The following TCP11L1 variants were observed in gnomAD, a reference collection of about 807,000 sequenced individuals.
The protein encoded by TCP11L1 is t-complex 11 like 1, also known as T-complex protein 11-like protein 1.
Under a neutral mutation model 48.9 loss-of-function variants are expected in TCP11L1, and 28 were observed. The observed-to-expected ratio is 0.57, with a 90% CI of 0.42 to 0.78. The LOEUF (loss-of-function observed/expected upper bound fraction) is 0.78, where lower values mean the gene tolerates loss of function less well. Among genes scored for constraint, TCP11L1 ranks in the 30% least tolerant of loss-of-function variants. The probability of loss-of-function intolerance (pLI) is 0.00; values close to 1 mark genes in which losing one functional copy is unlikely to be tolerated. For missense variants in TCP11L1, 505 were observed against 613.4 expected, an observed-to-expected ratio of 0.82 and a Z score of 1.87; for synonymous variants, 204 against 231.9, an observed-to-expected ratio of 0.88 and a Z score of 1.09.
chr11:33,070,822 TG>T (rs1296306729), intron 9 of TCP11L1, among the ~76,000 whole-genome samples: 1 of 150,758 alleles, frequency 6.6e-6, no homozygotes, highest in African/African-American at 2.4e-5. Context: ...GCCAACATGG[TG>T]AAACCCCGTC....
At chr11:33,045,933 A>G (rs925762925) in intron 2 of TCP11L1, among the ~76,000 whole-genome samples, 1 of 152,240 alleles carries the variant, frequency 6.6e-6, no homozygotes, top group East Asian at 1.9e-4. Flanking sequence ...TTTGCAGCAT[A>G]TGGAACATGT....
At chr11:33,067,555 C>A (rs1032408428) in intron 8 of TCP11L1, among the ~76,000 whole-genome samples, 2 of 152,212 alleles carry the variant, frequency 1.3e-5, no homozygotes, top group African/African-American at 4.8e-5. Context: ...TGGGCTGTCA[C>A]CTAGGTCCCC....
At position 33,054,731 on chromosome 11, in the gene TCP11L1, G is replaced by A; in HGVS notation, c.296+6G>A. 1 of 1,610,458 alleles carries A rather than the reference G, an allele frequency of 6.2e-7. No homozygotes were observed. Among genetic ancestry groups the A allele is most frequent in the Non-Finnish European group, 8.5e-7 (1 of 1,178,618 alleles). On this transcript the variant is annotated splice_donor_region_variant and intron_variant, in intron 3 of 9. Coordinates refer to ENST00000334274, the MANE Select transcript of TCP11L1 (RefSeq NM_018393.4). ...GTTGAATTACCAGAAAACAGGTAAG[G>A]TGGTTGCTAAATTATCTTGCTTAGT...
At chr11:33,065,721 C>A in intron 7 of TCP11L1, 109 bp from the exon 8 acceptor site, 1 of 1,267,604 alleles carries the variant, frequency 7.9e-7, no homozygotes, top group Non-Finnish European at 1.1e-6. Context: ...CACACTAGCG[C>A]AAACCCTGAG....
Position 33,068,729 on chromosome 11 carries a change from G to A in TCP11L1, c.1197G>A (p.Lys399=), listed in dbSNP as rs760498933. The change falls in exon 9 of 10, where the codon AAG becomes AAA. Residue 399 remains lysine, a synonymous_variant. Coordinates refer to ENST00000334274, the MANE Select transcript of TCP11L1 (RefSeq NM_018393.4). Reference sequence around the variant, plus strand: ...ACGTCCTCACTACCATCGGGGAGAAGGTGTGCCTGGAGGTGAGCAGCTGCC... The same window carrying A: ...ACGTCCTCACTACCATCGGGGAGAAAGTGTGCCTGGAGGTGAGCAGCTGCC... ...LKDVLTTIGE[K]VCLEVSSCLS... is the part of the protein sequence containing the mutation. 3.1e-6 allele frequency: 5 copies of A among 1,614,164 alleles called. No individual in the cohort carries two copies. Among genetic ancestry groups the A allele is most frequent in the Non-Finnish European group, 4.2e-6 (5 of 1,180,026 alleles).
In TCP11L1 at chr11:33,072,657, A is replaced by G. The variant is rs1409773238; in HGVS notation, c.1511A>G (p.Lys504Arg). ...FCPYYDAILS[K>R]ILVRS The stretch of plus-strand genomic sequence containing the variant: ...CCCTACTACGATGCAATCCTGAGTA[A>G]GATCCTCGTCCGATCCTAACGTGTA... Residue 504 changes from lysine (K) to arginine (R), a missense_variant, in exon 10 of 10, where the codon AAG (lysine) becomes AGG (arginine). Transcript: ENST00000334274. The G allele has an allele frequency of 6.2e-7, 1 of 1,614,176 alleles. No homozygotes were observed. The highest frequency in any genetic ancestry group is 2.2e-5 in the East Asian group (1 of 44,880).
At chr11:33,060,901 G>C (rs1242901438) in intron 6 of TCP11L1, among the ~76,000 whole-genome samples, 1 of 152,124 alleles carries the variant, frequency 6.6e-6, no homozygotes, top group African/African-American at 2.4e-5. Flanking sequence ...GGGAAGGAAG[G>C]TTTGTTAAAT....
At chr11:33,061,019 G>C (rs922345482) in intron 6 of TCP11L1, among the ~76,000 whole-genome samples, 23 of 152,158 alleles carry the variant, frequency 1.5e-4, no homozygotes, top group Admixed American at 3.9e-4. Flanking sequence ...ACAGTGGTGT[G>C]ATCACCACTC....
Position 33,070,434 on chromosome 11 carries a change from CCAA to C in TCP11L1, c.1327+1578_1327+1580del, listed in dbSNP as rs1854748203. Among the ~76,000 whole-genome samples the C allele has an allele frequency of 2.6e-5, 4 of 152,126 alleles. No homozygotes were observed. In the South Asian group the frequency reaches 8.3e-4, roughly 32 times the overall value. ...AGCACAGTGGCTCATGCCTATAATC[CCAA>C]CATTTTGGGAGGCCGAGCCGGGCAG... On this transcript the variant is annotated intron_variant, in intron 9 of 9. Transcript: ENST00000334274.
chr11:33,063,911 A>G (rs1400820008), intron 7 of TCP11L1, among the ~76,000 whole-genome samples: 1 of 152,184 alleles, frequency 6.6e-6, no homozygotes, highest in Non-Finnish European at 1.5e-5. Flanking sequence ...GAACTGTGGC[A>G]TGTTCTCTTC....
intron 2 of TCP11L1, among the ~76,000 whole-genome samples, chr11:33,050,515 G>A (rs1396359728): frequency 9.2e-5 from 14 of 152,092 alleles, no homozygotes; most frequent in Non-Finnish European, 2.1e-4. Flanking sequence ...TTATACATAT[G>A]TATATATACA....
At chr11:33,057,723 G>A (rs1854349968) in intron 4 of TCP11L1, among the ~76,000 whole-genome samples, 196 bp from the exon 5 acceptor site, 1 of 152,044 alleles carries the variant, frequency 6.6e-6, no homozygotes, top group African/African-American at 2.4e-5. Context: ...TGCTACCTAG[G>A]GCTTAAATGG....
chr11:33,048,399 C>G (rs905906505), intron 2 of TCP11L1, among the ~76,000 whole-genome samples: 8 of 152,152 alleles, frequency 5.3e-5, no homozygotes, highest in African/African-American at 1.9e-4. Flanking sequence ...CAAATTGCAT[C>G]TTTATGCAAT....
chr11:33,054,468 A>C lies in TCP11L1; in HGVS notation c.164-125A>C, dbSNP rs1854252829. 3 of 1,180,736 alleles carry C rather than the reference A, an allele frequency of 2.5e-6. No homozygotes were observed. In the Admixed American group the frequency reaches 7.6e-5, roughly 30 times the overall value. The allele number at this position is 1,180,736 out of a possible 1,614,324, so 73.1% of individuals were successfully genotyped here. ...CATTCTGTTGCTGTTTGAAAATGCC[A>C]GAACAAACATTTTAATAGACGCAAT... On this transcript the variant is annotated intron_variant, in intron 2 of 9. Coordinates refer to ENST00000334274, the MANE Select transcript of TCP11L1 (RefSeq NM_018393.4).
rs1164431860 is a variant in TCP11L1, at chr11:33,073,243, GTCTC to G, written c.*575_*578del. On this transcript the variant is annotated 3_prime_UTR_variant, in exon 10 of 10. Transcript: ENST00000334274. ...CCTTTTTTCTAGAGGAGAGTTATTT[GTCTC>G]TCTCTCTTTTTTTTTTTACTTTCTT... 1.3e-5 allele frequency: 2 copies of G among 151,898 alleles called. No homozygotes were observed. Among genetic ancestry groups the G allele is most frequent in the East Asian group, 1.9e-4 (1 of 5,174 alleles). The allele number at this position is 151,898 out of a possible 1,614,324, so 9.4% of individuals were successfully genotyped here.
At chr11:33,050,247 C>T (rs1854119178) in intron 2 of TCP11L1, among the ~76,000 whole-genome samples, 1 of 152,202 alleles carries the variant, frequency 6.6e-6, no homozygotes, top group South Asian at 2.1e-4. Flanking sequence ...CTTCTTTCTA[C>T]ATAGACACAG....
At chr11:33,046,518 GTA>G (rs1162031926) in intron 2 of TCP11L1, among the ~76,000 whole-genome samples, 14 of 145,346 alleles carry the variant, frequency 9.6e-5, no homozygotes, top group African/African-American at 3.6e-4. Context: ...ACATTTGTTT[GTA>G]TATGCATGTT....
At chr11:33,047,104 T>C (rs1967729) in intron 2 of TCP11L1, among the ~76,000 whole-genome samples, 62,206 of 151,554 alleles carry the variant, frequency 0.41, 12,968 homozygotes, top group African/African-American at 0.47. Flanking sequence ...GTGCCTGTAA[T>C]TGGGAGGCTG....
chr11:33,065,816 T>C lies in TCP11L1; in HGVS notation c.973-14T>C, dbSNP rs1854599251. ...GACCTGCAGCTCAGCGATGGCCTCT[T>C]CTATTCATTACAGACAGTTTTAATG... On this transcript the variant is annotated splice_polypyrimidine_tract_variant and intron_variant, in intron 7 of 9. Coordinates refer to ENST00000334274, the MANE Select transcript of TCP11L1 (RefSeq NM_018393.4). 6.2e-7 allele frequency: 1 copy of C among 1,610,334 alleles called. No homozygotes were observed. The highest frequency in any genetic ancestry group is 8.5e-7 in the Non-Finnish European group (1 of 1,177,542).
Sources: gnomAD v4.1 joint callset for allele counts (sites outside exome capture counted in the v4.1 genomes callset) on GRCh38, gnomAD v4.1.1 for gene constraint, MANE v1.5 for transcripts, NCBI Gene and HGNC (gene_info 2026-07-23, HGNC 2026-07-21) for gene names.